Variants in ABCB5 observed in about 807,000 individuals in gnomAD.
ABCB5 encodes ATP binding cassette subfamily B member 5.
In ABCB5, 155 loss-of-function variants were observed where a neutral mutation model predicts 144.2. The ratio of observed to expected loss-of-function variants is 1.08; its 90% CI spans 0.94 to 1.23. The LOEUF (loss-of-function observed/expected upper bound fraction) is 1.23, where lower values mean the gene tolerates loss of function less well. ABCB5 is among the 50% of genes most tolerant of loss of function. The probability of loss-of-function intolerance (pLI) is 0.00; values close to 1 mark genes in which losing one functional copy is unlikely to be tolerated. For missense variants in ABCB5, 1,830 were observed against 1,520.8 expected (o/e 1.20, Z -3.38); for synonymous variants, 610 against 528.6 (o/e 1.15, Z -2.11).
In ABCB5 at chr7:20,720,899, G is replaced by A. The variant is rs1007445358; in HGVS notation, c.2422-2117G>A. 3.1e-4 allele frequency among the ~76,000 whole-genome samples: 42 copies of A among 137,010 alleles called. 1 individual carries two copies. Among genetic ancestry groups the A allele is most frequent in the South Asian group, 2.3e-3 (10 of 4,396 alleles). The allele number at this position is 137,010 out of a possible 152,430, so 89.9% of individuals were successfully genotyped here. ...GCGGAGCTTGCAGTGAGTCGAGATC[G>A]CGCCACTGCACTCCAGCCTGGGCGA... On this transcript the variant is annotated intron_variant, in intron 20 of 27. Transcript: ENST00000404938.
intron 14 of ABCB5, 51 bp from the exon 15 acceptor site, chr7:20,681,454 G>A (rs766530107): frequency 6.3e-7 from 1 of 1,596,272 alleles, no homozygotes; most frequent in Non-Finnish European, 8.6e-7. Context: ...CAGTGCAAAG[G>A]TTGTTATTTC....
chr7:20,741,272 G>A (rs554321323), intron 24 of ABCB5, among the ~76,000 whole-genome samples: 16 of 151,938 alleles, frequency 1.1e-4, no homozygotes, highest in Non-Finnish European at 1.9e-4. Flanking sequence ...AATTTTAAAT[G>A]TATTAAATTT....
intron 27 of ABCB5, among the ~76,000 whole-genome samples, chr7:20,754,437 T>C (rs1179414821): frequency 6.6e-6 from 1 of 152,226 alleles, no homozygotes; most frequent in Non-Finnish European, 1.5e-5. Context: ...CTAACCTCAG[T>C]TCAGTTATCA....
chr7:20,648,068 C>T lies in ABCB5; in HGVS notation c.1196C>T (p.Pro399Leu). 1 of 1,588,720 alleles carries T rather than the reference C, an allele frequency of 6.3e-7. No homozygotes were observed. The highest frequency in any genetic ancestry group is 8.6e-7 in the Non-Finnish European group (1 of 1,158,274). ...GTTTCTTTCAATTATCCATCAAGAC[C>T]ATCTATCAAGGTAGGTTAAAACAAA... ...KNVSFNYPSR[P>L]SIKILKGLNL... The change falls in exon 11 of 28, where the codon CCA becomes CTA. Residue 399 changes from proline (P) to leucine (L), a missense_variant. Transcript: ENST00000404938.
At chr7:20,681,275 C>T (rs1310227595) in intron 14 of ABCB5, among the ~76,000 whole-genome samples, 1 of 151,646 alleles carries the variant, frequency 6.6e-6, no homozygotes, top group Non-Finnish European at 1.5e-5. Flanking sequence ...TCCAGGTGCC[C>T]GCAACCAAGC....
At chr7:20,659,503 C>G in intron 14 of ABCB5, 5 of 1,032,492 alleles carry the variant, frequency 4.8e-6, no homozygotes, top group Non-Finnish European at 5.8e-6. Context: ...TGAAAAATCT[C>G]TTAGTTACTA....
intron 5 of ABCB5, among the ~76,000 whole-genome samples, chr7:20,636,725 C>T (rs1279313451): frequency 7.2e-6 from 1 of 138,220 alleles, no homozygotes; most frequent in Non-Finnish European, 1.5e-5. Flanking sequence ...TTAGAGGTTG[C>T]AGTGAGCTGA....
At chr7:20,701,583 TG>T (rs554806155) in intron 19 of ABCB5, among the ~76,000 whole-genome samples, 1 of 152,332 alleles carries the variant, frequency 6.6e-6, no homozygotes, top group African/African-American at 2.4e-5. Flanking sequence ...AGTATTTTGA[TG>T]GTTAATACTG....
chr7:20,640,739 G>A (rs1003934507), intron 5 of ABCB5, among the ~76,000 whole-genome samples: 3 of 152,040 alleles, frequency 2.0e-5, no homozygotes, highest in Admixed American at 6.5e-5. Flanking sequence ...GTATTGACTT[G>A]GGACTTAGAA....
intron 15 of ABCB5, 42 bp downstream of exon 15, chr7:20,681,708 C>T (rs533731451): frequency 1.1e-5 from 18 of 1,591,642 alleles, no homozygotes; most frequent in African/African-American, 4.0e-5. Flanking sequence ...CAGGGTTTAA[C>T]GTTTCAGAGA....
chr7:20,628,921 A>G, intron 4 of ABCB5, 83 bp downstream of exon 4: 1 of 1,439,152 alleles, frequency 6.9e-7, no homozygotes, highest in Non-Finnish European at 9.5e-7. Context: ...AGCAAGGCAG[A>G]TTATTGTATT....
intron 14 of ABCB5, among the ~76,000 whole-genome samples, chr7:20,661,205 G>A (rs1439839313): frequency 6.6e-6 from 1 of 152,162 alleles, no homozygotes; most frequent in Non-Finnish European, 1.5e-5. Context: ...TAAGCACAAG[G>A]CTCTATGGAG....
chr7:20,617,911 A>G (rs1206311354), intron 1 of ABCB5, among the ~76,000 whole-genome samples: 1 of 152,210 alleles, frequency 6.6e-6, no homozygotes, highest in Non-Finnish European at 1.5e-5. Context: ...ATCACCAAGA[A>G]GATATAACAA....
rs1489475072 is a variant in ABCB5 at position 20,756,917 on chromosome 7, A to G, written c.*1293A>G. ...AGCCTCCCTAAAGTGTACTCTACCA[A>G]TAATTGAAATCTTGTTAAACAAAAT... On this transcript the variant is annotated 3_prime_UTR_variant, in exon 28 of 28. Transcript: ENST00000404938. 1 of 152,344 alleles carries G rather than the reference A, an allele frequency of 6.6e-6. No homozygotes were observed. The highest frequency in any genetic ancestry group is 1.5e-5 in the Non-Finnish European group (1 of 68,052). The allele number at this position is 152,344 out of a possible 1,614,324, so 9.4% of individuals were successfully genotyped here.
At chr7:20,707,932 T>C (rs1786875165) in intron 20 of ABCB5, among the ~76,000 whole-genome samples, 1 of 150,190 alleles carries the variant, frequency 6.7e-6, no homozygotes, top group Admixed American at 6.7e-5. Flanking sequence ...GCCTCCCGAG[T>C]AGCTGGGACT....
chr7:20,631,522 A>G (rs1784038035), intron 4 of ABCB5, among the ~76,000 whole-genome samples: 2 of 152,170 alleles, frequency 1.3e-5, no homozygotes, highest in South Asian at 4.1e-4. Context: ...TAATCAGTGT[A>G]CAATATTTTT....
rs74812250 is a variant in ABCB5 at position 20,664,714 on chromosome 7, A to T, written c.1707+6038A>T. Among the ~76,000 whole-genome samples, 104 of 91,552 alleles carry T rather than the reference A, an allele frequency of 1.1e-3. 1 individual carries two copies. The highest frequency in any genetic ancestry group is 5.4e-3 in the African/African-American group (101 of 18,862). The allele number at this position is 91,552 out of a possible 152,430, so 60.1% of individuals were successfully genotyped here. A position where few individuals can be genotyped will look rare whatever the true frequency, so the allele number is the denominator to read the frequency against. ...CATTTTCTCTTCTTACCCACCATTT[A>T]CTCTTCTTACCCACCATTTACTTCA... On this transcript the variant is annotated intron_variant, in intron 14 of 27. Coordinates refer to ENST00000404938, the MANE Select transcript of ABCB5 (RefSeq NM_001163941.2).
At chr7:20,634,415 G>C (rs1002322136) in intron 5 of ABCB5, among the ~76,000 whole-genome samples, 1 of 152,012 alleles carries the variant, frequency 6.6e-6, no homozygotes, top group Non-Finnish European at 1.5e-5. Context: ...TACATACTCA[G>C]TATTAACACT....
At chr7:20,700,617 G>A (rs1206639269) in intron 19 of ABCB5, among the ~76,000 whole-genome samples, 1 of 152,146 alleles carries the variant, frequency 6.6e-6, no homozygotes, top group Non-Finnish European at 1.5e-5. Flanking sequence ...AGATAACATC[G>A]GTCTAGCTGC....
Sources: allele counts gnomAD v4.1 joint callset (sites outside exome capture counted in the v4.1 genomes callset), GRCh38; gene constraint gnomAD v4.1.1; transcripts MANE v1.5; gene names NCBI Gene and HGNC (gene_info 2026-07-23, HGNC 2026-07-21).